The following DLGAP1 variants were observed in gnomAD, a reference collection of about 807,000 sequenced individuals.
DLGAP1 encodes disks large-associated protein 1.
Under a neutral mutation model 90.8 loss-of-function variants are expected in DLGAP1, and 11 were observed. The ratio of observed to expected loss-of-function variants is 0.12; its 90% CI spans 0.08 to 0.20. The LOEUF (loss-of-function observed/expected upper bound fraction) is 0.20. Ranked by LOEUF, DLGAP1 falls within the 10% of genes least tolerant of loss-of-function variation. The pLI is 1.00. For missense variants in DLGAP1, 1,050 were observed against 1,333.8 expected (o/e 0.79, Z 3.31); for synonymous variants, 558 against 540.7 (o/e 1.03, Z -0.44).
At chr18:4,038,518 C>A (rs149406452) in intron 2 of DLGAP1, among the ~76,000 whole-genome samples, 26 of 152,110 alleles carry the variant, frequency 1.7e-4, no homozygotes, top group South Asian at 4.2e-4. Flanking sequence ...TTTTTCAAAT[C>A]TTCTATAAAG....
intron 2 of DLGAP1, among the ~76,000 whole-genome samples, chr18:4,050,248 C>A (rs1478476322): frequency 1.3e-5 from 2 of 151,860 alleles, no homozygotes; most frequent in Non-Finnish European, 2.9e-5. Context: ...TTTCAGTTCT[C>A]TTTTTGAGAA....
At chr18:3,600,279 TTCTC>T (rs1251745479) in intron 7 of DLGAP1, among the ~76,000 whole-genome samples, 1 of 151,962 alleles carries the variant, frequency 6.6e-6, no homozygotes, top group Non-Finnish European at 1.5e-5. Flanking sequence ...GAGACGGAGT[TTCTC>T]TCTTGTCACC....
intron 4 of DLGAP1, among the ~76,000 whole-genome samples, chr18:3,832,906 T>C (rs2068111024): frequency 6.6e-6 from 1 of 152,100 alleles, no homozygotes; most frequent in South Asian, 2.1e-4. Flanking sequence ...CCTTTCTCCT[T>C]TGTACACCCA....
chr18:3,952,980 T>C (rs1033402640), intron 3 of DLGAP1, among the ~76,000 whole-genome samples: 1 of 152,230 alleles, frequency 6.6e-6, no homozygotes, highest in Non-Finnish European at 1.5e-5. Flanking sequence ...GGCTAGACTC[T>C]GTGTTCTGCC....
At chr18:3,853,337 C>T (rs544584846) in intron 4 of DLGAP1, among the ~76,000 whole-genome samples, 9 of 152,158 alleles carry the variant, frequency 5.9e-5, no homozygotes, top group South Asian at 2.1e-4. Flanking sequence ...TTTTAGAACA[C>T]GGTCATGGGC....
intron 4 of DLGAP1, among the ~76,000 whole-genome samples, chr18:3,863,942 T>C (rs11661026): frequency 5.1e-4 from 78 of 152,154 alleles, no homozygotes; most frequent in Admixed American, 1.8e-3. Flanking sequence ...CTTGGGTACC[T>C]TAGAAAATAA....
intron 9 of DLGAP1, among the ~76,000 whole-genome samples, chr18:3,554,439 C>G (rs997334375): frequency 2.0e-5 from 3 of 152,204 alleles, no homozygotes; most frequent in Non-Finnish European, 4.4e-5. Context: ...GAGGAGCAGT[C>G]TCCTTTCAAA....
At chr18:4,041,962 G>A (rs2074981503) in intron 2 of DLGAP1, among the ~76,000 whole-genome samples, 1 of 152,170 alleles carries the variant, frequency 6.6e-6, no homozygotes, top group Non-Finnish European at 1.5e-5. Context: ...ATATGGAATG[G>A]AATAAACAAT....
intron 2 of DLGAP1, among the ~76,000 whole-genome samples, chr18:4,031,751 A>G (rs1413147159): frequency 2.0e-5 from 3 of 152,250 alleles, no homozygotes; most frequent in African/African-American, 4.8e-5. Context: ...AGTTTTTACC[A>G]TAGGAAATGA....
At chr18:4,052,920 C>T (rs1480066689) in intron 2 of DLGAP1, among the ~76,000 whole-genome samples, 1 of 152,166 alleles carries the variant, frequency 6.6e-6, no homozygotes, top group Non-Finnish European at 1.5e-5. Flanking sequence ...TTCCTCATCT[C>T]CATCTGAGAC....
intron 9 of DLGAP1, among the ~76,000 whole-genome samples, chr18:3,564,258 G>A (rs1361477836): frequency 6.6e-6 from 1 of 152,168 alleles, no homozygotes; most frequent in East Asian, 1.9e-4. Flanking sequence ...CAGCCTTTTG[G>A]TGAGCCTGTG....
At chr18:4,321,472 C>T (rs2080685064) in intron 1 of DLGAP1, among the ~76,000 whole-genome samples, 1 of 152,212 alleles carries the variant, frequency 6.6e-6, no homozygotes, top group South Asian at 2.1e-4. Flanking sequence ...AGTGGCTTCA[C>T]ATAGTACTGG....
At chr18:3,779,010 C>T (rs542075994) in intron 5 of DLGAP1, among the ~76,000 whole-genome samples, 1 of 152,256 alleles carries the variant, frequency 6.6e-6, no homozygotes, top group South Asian at 2.1e-4. Flanking sequence ...ACTAGGTCAT[C>T]CCCCCACGAC....
At chr18:4,229,568 T>C (rs768884130) in intron 1 of DLGAP1, among the ~76,000 whole-genome samples, 22 of 151,796 alleles carry the variant, frequency 1.4e-4, no homozygotes, top group Non-Finnish European at 2.8e-4. Context: ...CAGGAACATA[T>C]TGGAGAAATG....
chr18:4,313,743 G>C (rs576047335), intron 1 of DLGAP1, among the ~76,000 whole-genome samples: 9 of 152,228 alleles, frequency 5.9e-5, no homozygotes, highest in African/African-American at 2.2e-4. Flanking sequence ...CATTGAAAAA[G>C]AATAGATAAC....
chr18:3,600,981 G>GATATATATAGATATATAGATAGAT lies in DLGAP1; in HGVS notation c.1592-18734_1592-18733insATCTATCTATATATCTATATATAT, dbSNP rs1207360785. Among the ~76,000 whole-genome samples the GATATATATAGATATATAGATAGAT allele has an allele frequency of 8.4e-5, 6 of 71,166 alleles. 1 individual carries two copies. The highest frequency in any genetic ancestry group is 2.6e-4 in the African/African-American group (6 of 23,194). 46.7% of individuals were successfully genotyped at this position (71,166 alleles called of 152,430 possible). On this transcript the variant is annotated intron_variant, in intron 7 of 12. Coordinates refer to ENST00000315677, the MANE Select transcript of DLGAP1 (RefSeq NM_004746.4). ...ATATAGATATATAGATAGATATATA[G>GATATATATAGATATATAGATAGAT]ATATAGATATATAGATATATAGATA... is the stretch of plus-strand genomic sequence containing the variant.
chr18:4,289,849 T>C (rs1175463792), intron 1 of DLGAP1, among the ~76,000 whole-genome samples: 1 of 152,192 alleles, frequency 6.6e-6, no homozygotes, highest in African/African-American at 2.4e-5. Context: ...TGCATAATTA[T>C]AAGAGCTCTG....
At chr18:3,806,697 C>T (rs924953523) in intron 5 of DLGAP1, among the ~76,000 whole-genome samples, 2 of 152,210 alleles carry the variant, frequency 1.3e-5, no homozygotes, top group Non-Finnish European at 2.9e-5. Context: ...TTTTGAGGCT[C>T]TCTGCAAAGA....
chr18:4,174,403 C>T (rs1212001451), intron 1 of DLGAP1, among the ~76,000 whole-genome samples: 4 of 152,152 alleles, frequency 2.6e-5, no homozygotes, highest in African/African-American at 9.6e-5. Flanking sequence ...GGCACGATCT[C>T]GGCTCACTGC....
Sources: gnomAD v4.1 joint callset for allele counts (sites outside exome capture counted in the v4.1 genomes callset) on GRCh38, gnomAD v4.1.1 for gene constraint, MANE v1.5 for transcripts, NCBI Gene and HGNC (gene_info 2026-07-23, HGNC 2026-07-21) for gene names.